TUT4: variants seen among roughly 807,000 people sequenced by gnomAD.
TUT4 encodes terminal uridylyltransferase 4.
TUT4 carries 36 observed loss-of-function variants against 192.2 expected under a neutral mutation model. The ratio of observed to expected loss-of-function variants is 0.19; its 90% CI spans 0.14 to 0.25. The LOEUF (loss-of-function observed/expected upper bound fraction) is 0.25. Among genes scored for constraint, TUT4 ranks in the 10% least tolerant of loss-of-function variants. The pLI, the probability that TUT4 is intolerant of heterozygous loss-of-function variation, is 1.00. For synonymous variants in TUT4, 618 were observed against 666.0 expected (o/e 0.93, Z 1.11); for missense variants, 1,493 against 1,957.2 (o/e 0.76, Z 4.47).
intron 12 of TUT4, among the ~76,000 whole-genome samples, chr1:52,475,758 C>A (rs140618640): frequency 6.6e-6 from 1 of 152,030 alleles, no homozygotes; most frequent in East Asian, 1.9e-4. Flanking sequence ...GAAAAATAAA[C>A]AAGACTAATA....
intron 2 of TUT4, among the ~76,000 whole-genome samples, chr1:52,523,789 T>C (rs1680943736): frequency 1.3e-5 from 2 of 152,120 alleles, no homozygotes; most frequent in African/African-American, 4.8e-5. Context: ...CTGAGACACA[T>C]AAAGTCAACT....
rs996442863 is a variant in TUT4, at chr1:52,423,720, T to C, written c.*215A>G. 1.8e-5 allele frequency: 20 copies of C among 1,133,056 alleles called. No homozygotes were observed. The highest frequency in any genetic ancestry group is 2.4e-5 in the Non-Finnish European group (20 of 819,612). 70.2% of individuals were successfully genotyped at this position (1,133,056 alleles called of 1,614,324 possible). A position where few individuals can be genotyped will look rare whatever the true frequency, so the allele number is the denominator to read the frequency against. On this transcript the variant is annotated 3_prime_UTR_variant, in exon 30 of 30. Coordinates refer to ENST00000257177, the MANE Select transcript of TUT4 (RefSeq NM_001009881.3). ...GTAAAAACTATAGTTCATATTTATA[T>C]ACAAATAATACAGTCTGTAAAAACA...
chr1:52,444,850 G>A (rs1214283435), intron 24 of TUT4, among the ~76,000 whole-genome samples: 1 of 150,314 alleles, frequency 6.7e-6, no homozygotes, highest in African/African-American at 2.5e-5. Context: ...TCTATTATGG[G>A]ACCTTGTGAT....
intron 20 of TUT4, among the ~76,000 whole-genome samples, chr1:52,452,489 C>A (rs960635675): frequency 6.6e-6 from 1 of 152,170 alleles, no homozygotes; most frequent in African/African-American, 2.4e-5. Flanking sequence ...AGCCCTATAC[C>A]CCAACCTTTG....
intron 1 of TUT4, among the ~76,000 whole-genome samples, chr1:52,527,551 CA>C (rs1246645271): frequency 6.6e-6 from 1 of 151,578 alleles, no homozygotes; most frequent in Non-Finnish European, 1.5e-5. Flanking sequence ...GACTCTGTCT[CA>C]AAAACAACAA....
intron 24 of TUT4, 130 bp from the exon 25 acceptor site, chr1:52,438,465 A>G: frequency 1.6e-6 from 1 of 615,346 alleles, no homozygotes. Context: ...TTTCACTGTA[A>G]GAAAACCCAA....
chr1:52,495,795 T>C (rs1672307138), intron 5 of TUT4, among the ~76,000 whole-genome samples: 1 of 152,156 alleles, frequency 6.6e-6, no homozygotes, highest in African/African-American at 2.4e-5. Flanking sequence ...ACTGACAATA[T>C]GTTTAGCATT....
At chr1:52,463,946 G>A (rs1663337249) in intron 16 of TUT4, among the ~76,000 whole-genome samples, 1 of 152,048 alleles carries the variant, frequency 6.6e-6, no homozygotes, top group South Asian at 2.1e-4. Context: ...TACATTATGG[G>A]TTAAAAAAAT....
At chr1:52,519,744 G>T (rs986740656) in intron 2 of TUT4, among the ~76,000 whole-genome samples, 2 of 152,120 alleles carry the variant, frequency 1.3e-5, no homozygotes, top group Non-Finnish European at 2.9e-5. Flanking sequence ...CCTGACCACA[G>T]GTGATCCACT....
At chr1:52,497,921 C>A (rs2149166958) in intron 4 of TUT4, among the ~76,000 whole-genome samples, 1 of 152,306 alleles carries the variant, frequency 6.6e-6, no homozygotes. Context: ...CCCCTCCCCA[C>A]ACAGGCATTT....
At chr1:52,470,974 C>G (rs1367320101) in intron 14 of TUT4, among the ~76,000 whole-genome samples, 3 of 146,294 alleles carry the variant, frequency 2.1e-5, no homozygotes, top group Non-Finnish European at 4.5e-5. Context: ...AAATCAAAGG[C>G]AATTATTCCC....
intron 9 of TUT4, among the ~76,000 whole-genome samples, chr1:52,488,708 A>G (rs916750756): frequency 3.3e-5 from 5 of 152,222 alleles, no homozygotes; most frequent in Admixed American, 1.3e-4. Context: ...AAATATATCC[A>G]TAAGTGTGTC....
chr1:52,436,243 T>C (rs1178741523), intron 26 of TUT4, among the ~76,000 whole-genome samples: 2 of 152,112 alleles, frequency 1.3e-5, no homozygotes, highest in Non-Finnish European at 2.9e-5. Flanking sequence ...CCCAGCACTT[T>C]GGGAGGCCAA....
At chr1:52,501,645 G>A (rs570794517) in intron 4 of TUT4, among the ~76,000 whole-genome samples, 5 of 152,020 alleles carry the variant, frequency 3.3e-5, no homozygotes, top group Admixed American at 6.6e-5. Context: ...AACTCAAATA[G>A]GTATTTGTAC....
Position 52,488,964 on chromosome 1 carries a change from C to G in TUT4, c.1460G>C (p.Gly487Ala). The G allele has an allele frequency of 6.2e-7, 1 of 1,613,808 alleles. No homozygotes were observed. ...GGGAATAAAGACAGGTTCTATTTTGCCAAGGGCAGTAAGTAAATCAGTAGT... is the reference window on the plus strand; with the variant it reads ...GGGAATAAAGACAGGTTCTATTTTGGCAAGGGCAGTAAGTAAATCAGTAGT... ...CLTTDLLTAL[G>A]KIEPVFIPLV... The change falls in exon 9 of 30, where the codon GGC becomes GCC. Residue 487 changes from glycine (G) to alanine (A), a missense_variant. Transcript: ENST00000257177.
chr1:52,484,175 C>A (rs1254118884), intron 9 of TUT4, among the ~76,000 whole-genome samples: 1 of 152,064 alleles, frequency 6.6e-6, no homozygotes, highest in East Asian at 1.9e-4. Flanking sequence ...GATGGCACCA[C>A]TGCACTCTGG....
intron 4 of TUT4, among the ~76,000 whole-genome samples, chr1:52,502,868 C>G (rs1417276762): frequency 6.6e-6 from 1 of 152,130 alleles, no homozygotes; most frequent in South Asian, 2.1e-4. Context: ...AGGAGATCCA[C>G]CTTCCTTGGC....
intron 9 of TUT4, among the ~76,000 whole-genome samples, chr1:52,482,659 C>T (rs1326195268): frequency 6.6e-6 from 1 of 152,062 alleles, no homozygotes; most frequent in Non-Finnish European, 1.5e-5. Context: ...GGTCTCGAAC[C>T]CTTGGGCTCA....
At position 52,462,929 on chromosome 1, in the gene TUT4, C is replaced by T. The variant is rs573307140; in HGVS notation, c.3070-1160G>A. ...AGTTATAAAGTCATTTGCATTTTTC[C>T]AACATGTTCTTTTTAGCTACATGAG... On this transcript the variant is annotated intron_variant, in intron 16 of 29. Transcript: ENST00000257177. 5 of 985,336 alleles carry T rather than the reference C, an allele frequency of 5.1e-6. No individual in the cohort carries two copies. In the South Asian group the frequency reaches 2.3e-4, roughly 46 times the overall value. 61.0% of individuals were successfully genotyped at this position (985,336 alleles called of 1,614,324 possible). A position where few individuals can be genotyped will look rare whatever the true frequency, so the allele number is the denominator to read the frequency against.
Sources: allele counts gnomAD v4.1 joint callset (sites outside exome capture counted in the v4.1 genomes callset), GRCh38; gene constraint gnomAD v4.1.1; transcripts MANE v1.5; gene names NCBI Gene and HGNC (gene_info 2026-07-23, HGNC 2026-07-21).